Variants in GSE1 observed in about 807,000 individuals in gnomAD.
The protein encoded by GSE1 is genetic suppressor element 1.
A neutral mutation model predicts 112.6 loss-of-function variants in GSE1; 32 were observed. The ratio of observed to expected loss-of-function variants is 0.28; its 90% confidence interval spans 0.21 to 0.38. GSE1 has a LOEUF of 0.38. Ranked by LOEUF, GSE1 falls within the 10% of genes least tolerant of loss-of-function variation. The probability of loss-of-function intolerance (pLI) is 1.00; values close to 1 mark genes in which losing one functional copy is unlikely to be tolerated. For synonymous variants in GSE1, 1,115 were observed against 735.6 expected (o/e 1.52, Z -8.35); for missense variants, 2,348 against 1,699.2 (o/e 1.38, Z -6.71).
intron 2 of GSE1, among the ~76,000 whole-genome samples, chr16:85,518,808 G>T (rs1257731970): frequency 6.6e-6 from 1 of 152,128 alleles, no homozygotes; most frequent in Non-Finnish European, 1.5e-5. Flanking sequence ...CCTTACGCAA[G>T]ACTGACACCT....
intron 1 of GSE1, among the ~76,000 whole-genome samples, chr16:85,614,524 G>T (rs2048244259): frequency 6.6e-6 from 1 of 152,168 alleles, no homozygotes; most frequent in Admixed American, 6.5e-5. Context: ...CAGATGGGGG[G>T]AAGGGACACC....
chr16:85,187,603 G>T (rs891439566), intron 1 of GSE1, among the ~76,000 whole-genome samples: 1 of 152,176 alleles, frequency 6.6e-6, no homozygotes, highest in African/African-American at 2.4e-5. Context: ...AGTCGTGCTG[G>T]TCTGCTCTTG....
chr16:85,658,787 C>T (rs564402955), intron 8 of GSE1, among the ~76,000 whole-genome samples: 7 of 149,480 alleles, frequency 4.7e-5, no homozygotes, highest in African/African-American at 1.7e-4. Flanking sequence ...TCAGGGTGCC[C>T]TGACTCCTGT....
Position 85,661,502 on chromosome 16 carries a change from C to G in GSE1, c.1997C>G (p.Pro666Arg). 3 of 1,611,906 alleles carry G rather than the reference C, an allele frequency of 1.9e-6. No homozygotes were observed. The highest frequency in any genetic ancestry group is 1.1e-5 in the South Asian group (1 of 91,052). ...PREGGSLEHQ[P>R]FLPGPGPFLA... is the part of the protein sequence containing the mutation. ...GAGGGAGGGAGCCTGGAGCACCAGC[C>G]CTTCCTGCCCGGGCCCGGGCCCTTC... is the stretch of plus-strand genomic sequence containing the variant. Residue 666 changes from proline to arginine, a missense_variant, in exon 9 of 16, where the codon CCC (proline) becomes CGC (arginine). By Grantham distance (103) the Pro-to-Arg change is moderately radical (BLOSUM62 -2). Coordinates refer to ENST00000253458, the MANE Select transcript of GSE1 (RefSeq NM_014615.5).
chr16:85,433,351 G>A (rs1471146447), intron 2 of GSE1, among the ~76,000 whole-genome samples: 4 of 152,172 alleles, frequency 2.6e-5, no homozygotes, highest in African/African-American at 9.7e-5. Context: ...TAAAAGTAGA[G>A]TTGTGATTTG....
intron 2 of GSE1, among the ~76,000 whole-genome samples, chr16:85,635,998 T>C (rs1974867): frequency 0.26 from 38,881 of 152,226 alleles, 5,050 homozygotes; most frequent in Non-Finnish European, 0.27. Flanking sequence ...CAGCACTTGG[T>C]TTGGTGGCTC....
intron 2 of GSE1, chr16:85,490,908 A>G (rs1374990822): frequency 1.3e-5 from 2 of 152,160 alleles, no homozygotes; most frequent in Non-Finnish European, 2.9e-5. Context: ...TAGCGTGTGT[A>G]TGTATGGTCA....
intron 2 of GSE1, among the ~76,000 whole-genome samples, chr16:85,359,093 T>C (rs1049057022): frequency 6.6e-6 from 1 of 152,058 alleles, no homozygotes; most frequent in Non-Finnish European, 1.5e-5. Context: ...GCCAGGGAGT[T>C]ATGATTTGTT....
intron 1 of GSE1, among the ~76,000 whole-genome samples, chr16:85,556,531 C>T (rs1457214563): frequency 6.6e-6 from 1 of 151,410 alleles, no homozygotes; most frequent in Admixed American, 6.6e-5. Flanking sequence ...GCGGTCAAGC[C>T]CGCGGTGTGC....
chr16:85,620,595 G>A (rs570104409), intron 1 of GSE1, among the ~76,000 whole-genome samples: 15 of 152,370 alleles, frequency 9.8e-5, no homozygotes, highest in African/African-American at 3.4e-4. Flanking sequence ...TCTGCCGCCC[G>A]TCGGGAGGGT....
intron 2 of GSE1, among the ~76,000 whole-genome samples, chr16:85,478,901 TTCTTTCTTTCTTTC>T (rs2050566694): frequency 1.3e-5 from 1 of 78,684 alleles, no homozygotes; most frequent in Non-Finnish European, 2.4e-5. Context: ...CTTTCTTTCT[TTCTTTCTTTCTTTC>T]TTTCTTTCTT....
chr16:85,667,932 G>A (rs976990581), intron 13 of GSE1, among the ~76,000 whole-genome samples: 6 of 146,876 alleles, frequency 4.1e-5, no homozygotes, highest in Non-Finnish European at 7.5e-5. Context: ...AGCACTCAGG[G>A]CTGCGTTGTC....
chr16:85,267,068 C>T (rs1908322593), intron 1 of GSE1, among the ~76,000 whole-genome samples: 1 of 152,198 alleles, frequency 6.6e-6, no homozygotes, highest in African/African-American at 2.4e-5. Flanking sequence ...GGATGCGTCT[C>T]CCGCTCAGCT....
At chr16:85,216,970 C>A (rs542900777) in intron 1 of GSE1, among the ~76,000 whole-genome samples, 1 of 152,360 alleles carries the variant, frequency 6.6e-6, no homozygotes, top group East Asian at 1.9e-4. Context: ...AAGCGGCAAG[C>A]CCCTGATGCT....
At chr16:85,603,527 G>T (rs1358083958) in intron 1 of GSE1, among the ~76,000 whole-genome samples, 2 of 152,206 alleles carry the variant, frequency 1.3e-5, no homozygotes, top group Non-Finnish European at 2.9e-5. Flanking sequence ...TTGAGACAGG[G>T]TCTCACTGTG....
intron 1 of GSE1, among the ~76,000 whole-genome samples, chr16:85,230,813 A>G (rs966007638): frequency 1.3e-5 from 2 of 152,206 alleles, no homozygotes; most frequent in African/African-American, 2.4e-5. Flanking sequence ...TCCTTACTAC[A>G]AATGAGTGTG....
chr16:85,221,191 C>T (rs1232148867), intron 1 of GSE1, among the ~76,000 whole-genome samples: 1 of 152,058 alleles, frequency 6.6e-6, no homozygotes, highest in African/African-American at 2.4e-5. Flanking sequence ...TCGGCATCTG[C>T]AGCTGTCCCT....
At chr16:85,460,421 A>G (rs1403527716) in intron 2 of GSE1, among the ~76,000 whole-genome samples, 1 of 152,210 alleles carries the variant, frequency 6.6e-6, no homozygotes, top group Non-Finnish European at 1.5e-5. Flanking sequence ...TACCCTCAAG[A>G]GAGGGACGCT....
intron 1 of GSE1, among the ~76,000 whole-genome samples, chr16:85,206,191 T>TG (rs141538436): frequency 0.045 from 4,714 of 104,490 alleles, 197 homozygotes; most frequent in African/African-American, 0.12. Flanking sequence ...AGCACCCAGA[T>TG]GGGGGGGGCG....
Sources: allele counts gnomAD v4.1 joint callset (sites outside exome capture counted in the v4.1 genomes callset), GRCh38; gene constraint gnomAD v4.1.1; transcripts MANE v1.5; gene names NCBI Gene and HGNC (gene_info 2026-07-23, HGNC 2026-07-21).